The following XXYLT1 variants were observed in gnomAD, a reference collection of about 807,000 sequenced individuals.
XXYLT1 encodes UDP-xylose:alpha-xyloside alpha-1,3-xylosyltransferase.
Under a neutral mutation model 28.9 loss-of-function variants are expected in XXYLT1, and 20 were observed. The observed-to-expected ratio is 0.69, with a 90% CI of 0.49 to 1.00. XXYLT1 has a LOEUF of 1.00. Ranked by LOEUF, XXYLT1 falls within the 50% of genes least tolerant of loss-of-function variation. The probability of loss-of-function intolerance (pLI) is 0.00; values close to 1 mark genes in which losing one functional copy is unlikely to be tolerated. For synonymous variants in XXYLT1, 257 were observed against 253.8 expected, an observed-to-expected ratio of 1.01 and a Z score of -0.12; for missense variants, 542 against 560.1, an observed-to-expected ratio of 0.97 and a Z score of 0.33.
intron 1 of XXYLT1, among the ~76,000 whole-genome samples, chr3:195,262,832 CATGAGT>C (rs1725735677): frequency 3.9e-5 from 6 of 152,314 alleles, no homozygotes; most frequent in Admixed American, 3.3e-4. Context: ...CAGCTGTTTT[CATGAGT>C]ATATTACAAT....
At chr3:195,200,235 C>A (rs1186518155) in intron 2 of XXYLT1, among the ~76,000 whole-genome samples, 1 of 152,204 alleles carries the variant, frequency 6.6e-6, no homozygotes, top group Non-Finnish European at 1.5e-5. Context: ...AGCAGCGTGG[C>A]GAAGCACCCA....
chr3:195,177,609 C>T (rs567428886), intron 2 of XXYLT1, among the ~76,000 whole-genome samples: 1 of 151,978 alleles, frequency 6.6e-6, no homozygotes, highest in East Asian at 1.9e-4. Context: ...GGCCATGAGA[C>T]CTGCCTTAGC....
chr3:195,185,922 G>A (rs759005928), intron 2 of XXYLT1, among the ~76,000 whole-genome samples: 3 of 152,014 alleles, frequency 2.0e-5, no homozygotes, highest in Non-Finnish European at 4.4e-5. Flanking sequence ...TCCTGTGAAG[G>A]CTTCCTGCTC....
At chr3:195,132,778 T>C (rs190939396) in intron 3 of XXYLT1, among the ~76,000 whole-genome samples, 21 of 152,322 alleles carry the variant, frequency 1.4e-4, no homozygotes. Context: ...AGCAGGATGC[T>C]TAAAGACTAG....
chr3:195,098,466 T>C (rs778684429), intron 3 of XXYLT1, among the ~76,000 whole-genome samples: 14 of 152,272 alleles, frequency 9.2e-5, no homozygotes, highest in Admixed American at 6.5e-4. Flanking sequence ...GGCAGGAGAA[T>C]GGCGTGAACC....
At chr3:195,170,004 T>TACAGGTATGCGCCA (rs56999393) in intron 2 of XXYLT1, among the ~76,000 whole-genome samples, 1 of 150,104 alleles carries the variant, frequency 6.7e-6, no homozygotes, top group African/African-American at 2.4e-5. Context: ...TAGCTGGGAT[T>TACAGGTATGCGCCA]TCATGCCCGG....
intron 1 of XXYLT1, among the ~76,000 whole-genome samples, chr3:195,261,481 A>G (rs1261030247): frequency 6.6e-6 from 1 of 151,836 alleles, no homozygotes; most frequent in African/African-American, 2.4e-5. Context: ...AGAAAAGAAA[A>G]AGGGGAGGGG....
At chr3:195,269,175 T>A (rs1725938486) in intron 1 of XXYLT1, among the ~76,000 whole-genome samples, 1 of 152,198 alleles carries the variant, frequency 6.6e-6, no homozygotes, top group South Asian at 2.1e-4. Flanking sequence ...CCAGAAGAGA[T>A]GACAATGCTA....
At chr3:195,178,509 C>T (rs1412626947) in intron 2 of XXYLT1, among the ~76,000 whole-genome samples, 1 of 152,224 alleles carries the variant, frequency 6.6e-6, no homozygotes, top group East Asian at 1.9e-4. Context: ...TTTGGTGCCA[C>T]TGCAAACTCA....
chr3:195,172,126 CT>C (rs1721436924), intron 2 of XXYLT1, among the ~76,000 whole-genome samples: 1 of 152,114 alleles, frequency 6.6e-6, no homozygotes, highest in African/African-American at 2.4e-5. Context: ...ACTTTAATTC[CT>C]TTAACATTAA....
chr3:195,204,613 T>C (rs558008974), intron 2 of XXYLT1, among the ~76,000 whole-genome samples: 77 of 152,234 alleles, frequency 5.1e-4, no homozygotes, highest in Admixed American at 1.6e-3. Context: ...ACAGTGGCCG[T>C]GCCGAAGCCT....
intron 2 of XXYLT1, among the ~76,000 whole-genome samples, chr3:195,202,139 T>A (rs367774550): frequency 6.6e-6 from 1 of 152,098 alleles, no homozygotes; most frequent in African/African-American, 2.4e-5. Flanking sequence ...ATCGTGCCAC[T>A]GCACTCCTGC....
chr3:195,144,376 C>T lies in XXYLT1; in HGVS notation c.785+12073G>A, dbSNP rs184956350. ...ATTCTGGCTGGCAAAGGGGGTCAAACGGTTCCTCCTTTTTTTTTGAGACAC... is the reference window on the plus strand; with the variant it reads ...ATTCTGGCTGGCAAAGGGGGTCAAATGGTTCCTCCTTTTTTTTTGAGACAC... On this transcript the variant is annotated intron_variant, in intron 3 of 3. Coordinates refer to ENST00000310380, the MANE Select transcript of XXYLT1 (RefSeq NM_152531.5). Among the ~76,000 whole-genome samples, 42 of 152,052 alleles carry T rather than the reference C, an allele frequency of 2.8e-4. 1 individual carries two copies. The highest frequency in any genetic ancestry group is 2.2e-3 in the Admixed American group (33 of 15,278).
At chr3:195,214,112 G>A (rs1723452205) in intron 2 of XXYLT1, among the ~76,000 whole-genome samples, 1 of 152,142 alleles carries the variant, frequency 6.6e-6, no homozygotes, top group African/African-American at 2.4e-5. Flanking sequence ...GACTCCTCCA[G>A]CCCCGTTTGC....
intron 2 of XXYLT1, among the ~76,000 whole-genome samples, chr3:195,206,021 A>ATTTTTTT (rs777561871): frequency 1.6e-5 from 2 of 125,414 alleles, no homozygotes; most frequent in African/African-American, 3.2e-5. Context: ...TTAAAGTTTA[A>ATTTTTTT]TTTTTTTTTT....
intron 2 of XXYLT1, among the ~76,000 whole-genome samples, chr3:195,157,997 T>C (rs918252409): frequency 6.6e-6 from 1 of 152,202 alleles, no homozygotes; most frequent in African/African-American, 2.4e-5. Context: ...AGGAACAGAA[T>C]TCTGGAGCAC....
intron 3 of XXYLT1, among the ~76,000 whole-genome samples, chr3:195,088,783 AT>A (rs1715964678): frequency 7.0e-6 from 1 of 142,678 alleles, no homozygotes. Context: ...TTTGAAAAAA[AT>A]TTAGAAGAAT....
chr3:195,252,720 A>G (rs1466789130), intron 1 of XXYLT1, among the ~76,000 whole-genome samples: 1 of 133,876 alleles, frequency 7.5e-6, no homozygotes, highest in African/African-American at 3.4e-5. Context: ...ACACACACAC[A>G]CACACACAGA....
chr3:195,187,882 A>G (rs1722269188), intron 2 of XXYLT1, among the ~76,000 whole-genome samples: 1 of 152,196 alleles, frequency 6.6e-6, no homozygotes, highest in South Asian at 2.1e-4. Flanking sequence ...AACACTTCAA[A>G]GAGGTGTCCT....
Sources: allele counts gnomAD v4.1 joint callset (sites outside exome capture counted in the v4.1 genomes callset), GRCh38; gene constraint gnomAD v4.1.1; transcripts MANE v1.5; gene names NCBI Gene and HGNC (gene_info 2026-07-23, HGNC 2026-07-21).